The following LRP1B variants were observed in gnomAD, a reference collection of about 807,000 sequenced individuals.
The protein encoded by LRP1B is low-density lipoprotein receptor-related protein 1B.
LRP1B carries 217 observed loss-of-function variants against 556.6 expected under a neutral mutation model. The ratio of observed to expected loss-of-function variants is 0.39; its 90% confidence interval spans 0.35 to 0.44. LRP1B has a LOEUF of 0.44. Ranked by LOEUF, LRP1B falls within the 20% of genes least tolerant of loss-of-function variation. The pLI, the probability that LRP1B is intolerant of heterozygous loss-of-function variation, is 1.00. For missense variants in LRP1B, 5,053 were observed against 5,620.8 expected (o/e 0.90, Z 3.23); for synonymous variants, 2,047 against 1,865.8 (o/e 1.10, Z -2.50).
chr2:141,781,059 T>C (rs1695235308), intron 2 of LRP1B, among the ~76,000 whole-genome samples: 1 of 152,016 alleles, frequency 6.6e-6, no homozygotes, highest in African/African-American at 2.4e-5. Context: ...GAGAGGAGAA[T>C]GCGGCACTTG....
At chr2:140,689,416 G>A (rs1482768008) in intron 41 of LRP1B, among the ~76,000 whole-genome samples, 1 of 152,106 alleles carries the variant, frequency 6.6e-6, no homozygotes. Context: ...CTTCCACCAC[G>A]TGGCTGCACT....
At chr2:142,102,437 G>A (rs937017609) in intron 1 of LRP1B, among the ~76,000 whole-genome samples, 1 of 151,592 alleles carries the variant, frequency 6.6e-6, no homozygotes, top group Non-Finnish European at 1.5e-5. Flanking sequence ...CAAATGTCAG[G>A]GCTAGGTTCC....
intron 27 of LRP1B, among the ~76,000 whole-genome samples, chr2:140,856,943 T>C (rs974818876): frequency 1.3e-5 from 2 of 152,070 alleles, no homozygotes; most frequent in Non-Finnish European, 2.9e-5. Context: ...TAGCTTCAGG[T>C]GAAAAGATTA....
intron 6 of LRP1B, among the ~76,000 whole-genome samples, chr2:141,226,567 C>T (rs1683257503): frequency 6.6e-6 from 1 of 151,996 alleles, no homozygotes; most frequent in Admixed American, 6.6e-5. Flanking sequence ...AAGAGAAAAG[C>T]ACCTAAATAT....
rs552433114 is a variant in LRP1B at position 141,735,181 on chromosome 2, T to C, written c.205+75098A>G. ...GTTTGTTTGTTTGTTTGTTTGAAAATGATACATCTGAAAGACAAAGCCAGA... is the reference window on the plus strand; with the variant it reads ...GTTTGTTTGTTTGTTTGTTTGAAAACGATACATCTGAAAGACAAAGCCAGA... On this transcript the variant is annotated intron_variant, in intron 2 of 90. Coordinates refer to ENST00000389484, the MANE Select transcript of LRP1B (RefSeq NM_018557.3). Among the ~76,000 whole-genome samples the C allele has an allele frequency of 2.4e-3, 361 of 151,020 alleles. 2 individuals are homozygous for C. Among genetic ancestry groups the C allele is most frequent in the African/African-American group, 8.4e-3 (345 of 41,072 alleles).
chr2:141,585,119 T>C (rs2105285441), intron 2 of LRP1B, among the ~76,000 whole-genome samples: 1 of 152,188 alleles, frequency 6.6e-6, no homozygotes, highest in East Asian at 1.9e-4. Context: ...CTTTTCTCTT[T>C]CCCTCGCACA....
intron 7 of LRP1B, among the ~76,000 whole-genome samples, chr2:141,072,204 T>C (rs1699665800): frequency 6.6e-6 from 1 of 152,134 alleles, no homozygotes; most frequent in Non-Finnish European, 1.5e-5. Flanking sequence ...CAGAATATTA[T>C]GCTCAAATGG....
At chr2:142,117,805 C>T (rs540091090) in intron 1 of LRP1B, among the ~76,000 whole-genome samples, 1 of 152,252 alleles carries the variant, frequency 6.6e-6, no homozygotes, top group Admixed American at 6.5e-5. Flanking sequence ...ATATCAGCTG[C>T]CCTTTTGGAC....
intron 2 of LRP1B, among the ~76,000 whole-genome samples, chr2:141,615,872 A>G (rs1688278461): frequency 6.6e-6 from 1 of 152,186 alleles, no homozygotes; most frequent in Non-Finnish European, 1.5e-5. Context: ...CATAAATCCT[A>G]TAAACAGTAA....
At chr2:140,388,956 T>C (rs1683889139) in intron 66 of LRP1B, among the ~76,000 whole-genome samples, 1 of 152,116 alleles carries the variant, frequency 6.6e-6, no homozygotes, top group Non-Finnish European at 1.5e-5. Flanking sequence ...AATCACTGGC[T>C]CAAAAAACTG....
chr2:141,397,244 T>C (rs1472026888), intron 3 of LRP1B, among the ~76,000 whole-genome samples: 1 of 151,584 alleles, frequency 6.6e-6, no homozygotes, highest in Non-Finnish European at 1.5e-5. Flanking sequence ...CTACAGTAGG[T>C]ATAATAGGAA....
At chr2:140,721,893 T>C (rs1027421238) in intron 35 of LRP1B, among the ~76,000 whole-genome samples, 2 of 151,880 alleles carry the variant, frequency 1.3e-5, no homozygotes, top group African/African-American at 4.8e-5. Flanking sequence ...AATGTATATA[T>C]ATTTAAGTAT....
At chr2:140,252,432 A>G (rs1681479718) in intron 86 of LRP1B, among the ~76,000 whole-genome samples, 1 of 152,146 alleles carries the variant, frequency 6.6e-6, no homozygotes, top group Non-Finnish European at 1.5e-5. Context: ...ATGAGTAGGC[A>G]TTATACACTG....
chr2:141,893,228 T>G (rs1420123167), intron 1 of LRP1B, among the ~76,000 whole-genome samples: 1 of 152,150 alleles, frequency 6.6e-6, no homozygotes, highest in Non-Finnish European at 1.5e-5. Flanking sequence ...GAGAAAGAGT[T>G]TCACTCTTGT....
At chr2:140,862,985 A>G (rs1317789003) in intron 27 of LRP1B, among the ~76,000 whole-genome samples, 1 of 152,182 alleles carries the variant, frequency 6.6e-6, no homozygotes, top group Non-Finnish European at 1.5e-5. Flanking sequence ...GACTTATGCC[A>G]TTATCCACCT....
At chr2:141,039,368 T>A (rs1303801982) in intron 11 of LRP1B, among the ~76,000 whole-genome samples, 1 of 152,058 alleles carries the variant, frequency 6.6e-6, no homozygotes, top group Non-Finnish European at 1.5e-5. Context: ...TGCCCATTTA[T>A]AAATTAAATT....
At chr2:141,118,363 T>C (rs574854963) in intron 7 of LRP1B, among the ~76,000 whole-genome samples, 5 of 151,952 alleles carry the variant, frequency 3.3e-5, no homozygotes, top group Non-Finnish European at 5.9e-5. Flanking sequence ...TTATAGTTTA[T>C]TTCCTACCAG....
intron 2 of LRP1B, among the ~76,000 whole-genome samples, chr2:141,704,728 T>C (rs1692074722): frequency 6.6e-6 from 1 of 152,028 alleles, no homozygotes; most frequent in Admixed American, 6.6e-5. Context: ...GTCCTGGCAG[T>C]AGTCTCTTCT....
chr2:141,499,677 T>C (rs1683642145), intron 2 of LRP1B, among the ~76,000 whole-genome samples: 1 of 152,022 alleles, frequency 6.6e-6, no homozygotes, highest in Non-Finnish European at 1.5e-5. Context: ...AAAACATAGT[T>C]AATATATGGA....
Sources: allele counts gnomAD v4.1 joint callset (sites outside exome capture counted in the v4.1 genomes callset), GRCh38; gene constraint gnomAD v4.1.1; transcripts MANE v1.5; gene names NCBI Gene and HGNC (gene_info 2026-07-23, HGNC 2026-07-21).